The following HSF1 variants were observed in gnomAD, a reference collection of about 807,000 sequenced individuals.
The protein encoded by HSF1 is heat shock factor protein 1.
HSF1 carries 32 observed loss-of-function variants against 51.7 expected under a neutral mutation model. That is an observed-to-expected ratio of 0.62 (90% CI 0.47 to 0.83). HSF1 has a LOEUF of 0.83. Ranked by LOEUF, HSF1 falls within the 40% of genes least tolerant of loss-of-function variation. The pLI is 0.00. For synonymous variants in HSF1, 396 were observed against 309.7 expected (o/e 1.28, Z -2.92); for missense variants, 727 against 717.0 (o/e 1.01, Z -0.16).
chr8:144,314,356 G>A lies in HSF1; in HGVS notation c.*26G>A, dbSNP rs759769709. ...AGGCCCCGGAGGAGCTGGGCCAGCC[G>A]CCCACCCCCACCCCCAGTGCAGGGC... On this transcript the variant is annotated 3_prime_UTR_variant, in exon 13 of 13. Transcript: ENST00000528838. The A allele has an allele frequency of 6.3e-5, 96 of 1,527,738 alleles. No homozygotes were observed. In the East Asian group the frequency reaches 1.1e-3, roughly 18 times the overall value. 94.6% of individuals were successfully genotyped at this position (1,527,738 alleles called of 1,614,324 possible).
chr8:144,311,981 C>T lies in HSF1; in HGVS notation c.879C>T (p.Pro293=). 2 of 1,591,568 alleles carry T rather than the reference C, an allele frequency of 1.3e-6. No homozygotes were observed. The highest frequency in any genetic ancestry group is 2.3e-5 in the East Asian group (1 of 44,032). The change falls in exon 9 of 13, where the codon CCC becomes CCT. Residue 293 remains proline, a synonymous_variant. Transcript: ENST00000528838. ...SIDERPLSSS[P]LVRVKEEPPS... ...TGTGCAGGCCCCTATCCAGCAGCCC[C>T]CTGGTGCGTGTCAAGGAGGAGCCCC...
At chr8:144,292,140 C>T (rs1045426307) in intron 1 of HSF1, among the ~76,000 whole-genome samples, 8 of 152,214 alleles carry the variant, frequency 5.3e-5, no homozygotes, top group African/African-American at 1.7e-4. Flanking sequence ...TGGGGCGTCT[C>T]TTGTATTGGG....
chr8:144,301,594 C>T (rs13268508), intron 1 of HSF1, among the ~76,000 whole-genome samples: 43,034 of 152,094 alleles, frequency 0.28, 7,294 homozygotes, highest in East Asian at 0.52. Context: ...AGGCCGGGCG[C>T]GGTGGCTCAC....
At position 144,311,948 on chromosome 8, in the gene HSF1, C is replaced by T. The variant is rs1222724011; in HGVS notation, c.861-15C>T. 1.3e-6 allele frequency: 2 copies of T among 1,579,330 alleles called. No individual in the cohort carries two copies. Among genetic ancestry groups the T allele is most frequent in the South Asian group, 2.3e-5 (2 of 88,526 alleles). On this transcript the variant is annotated splice_polypyrimidine_tract_variant and intron_variant, in intron 8 of 12. Coordinates refer to ENST00000528838, the MANE Select transcript of HSF1 (RefSeq NM_005526.4). ...TGGCCGAGACGCCAGCTCACCTGGC[C>T]CCCCTCGTGTGCAGGCCCCTATCCA... is the stretch of plus-strand genomic sequence containing the variant.
At chr8:144,310,125 C>T (rs893419883) in intron 4 of HSF1, 2 of 550,014 alleles carry the variant, frequency 3.6e-6, no homozygotes, top group Admixed American at 3.2e-5. Flanking sequence ...GGGTCCCCTG[C>T]TCTGCACATC....
At chr8:144,300,314 C>T (rs1554842017) in intron 1 of HSF1, among the ~76,000 whole-genome samples, 1 of 146,742 alleles carries the variant, frequency 6.8e-6, no homozygotes, top group African/African-American at 2.5e-5. Flanking sequence ...CCTCCCAGGT[C>T]CAAGCAATTC....
chr8:144,300,212 C>CTTTTTTTTTTTTTTTTTTTTTTT (rs1176636210), intron 1 of HSF1, among the ~76,000 whole-genome samples: 1 of 87,744 alleles, frequency 1.1e-5, no homozygotes, highest in Non-Finnish European at 2.1e-5. Flanking sequence ...GTTGTGTACT[C>CTTTTTTTTTTTTTTTTTTTTTTT]TTTTTTTTTT....
Position 144,312,161 on chromosome 8 carries a change from C to T in HSF1, c.1059C>T (p.Gly353=). ...ASVTALTDAR[G]HTDTEGRPPS... ...TCACAGCCCTCACGGACGCCAGGGG[C>T]CACACGGACACCGAGGGCCGGCCTC... The change falls in exon 9 of 13, where the codon GGC becomes GGT. Residue 353 remains glycine, a synonymous_variant. Transcript: ENST00000528838. The T allele has an allele frequency of 1.2e-6, 2 of 1,610,256 alleles. No homozygotes were observed. Among genetic ancestry groups the T allele is most frequent in the Non-Finnish European group, 1.7e-6 (2 of 1,178,650 alleles).
chr8:144,306,154 A>C (rs1417664959), intron 1 of HSF1, among the ~76,000 whole-genome samples: 1 of 152,082 alleles, frequency 6.6e-6, no homozygotes, highest in Non-Finnish European at 1.5e-5. Context: ...CTCATACTTT[A>C]GTTCTTCAGA....
rs2130334005 is a variant in HSF1 at position 144,297,547 on chromosome 8, G to T, written c.117+5673G>T. On this transcript the variant is annotated intron_variant, in intron 1 of 12. Coordinates refer to ENST00000528838, the MANE Select transcript of HSF1 (RefSeq NM_005526.4). This position sits in a 1 kb window ranked among gnomAD's most constrained non-coding sequence, Gnocchi z 4.6. Reference sequence around the variant, plus strand: ...GGACAGAACCAGACCAGGGAACGGGGCCACAAAGTGAGCCACTTTGTCTGC... The same window carrying T: ...GGACAGAACCAGACCAGGGAACGGGTCCACAAAGTGAGCCACTTTGTCTGC... 6.6e-6 allele frequency among the ~76,000 whole-genome samples: 1 copy of T among 152,312 alleles called. No homozygotes were observed. The highest frequency in any genetic ancestry group is 2.1e-4 in the South Asian group (1 of 4,822).
At position 144,314,177 on chromosome 8, in the gene HSF1, C is replaced by G. The variant is rs1554846106; in HGVS notation, c.1437C>G (p.Gly479=). ...AGCCGCTGTTCCTGCTGGACCCCGG[C>G]TCCGTGGACACCGGGAGCAACGACC... ...TAQPLFLLDP[G]SVDTGSNDLP... The change falls in exon 13 of 13, where the codon GGC becomes GGG. Residue 479 remains glycine, a synonymous_variant. Coordinates refer to ENST00000528838, the MANE Select transcript of HSF1 (RefSeq NM_005526.4). 7.7e-6 allele frequency: 12 copies of G among 1,548,960 alleles called. No homozygotes were observed. The highest frequency in any genetic ancestry group is 1.0e-5 in the Non-Finnish European group (12 of 1,146,720).
intron 1 of HSF1, among the ~76,000 whole-genome samples, chr8:144,303,058 G>A (rs553173533): frequency 6.6e-6 from 1 of 152,156 alleles, no homozygotes; most frequent in East Asian, 1.9e-4. Context: ...AAAGCAGCTT[G>A]GGAGTTGCAT....
At chr8:144,313,458 T>C (rs1400783194) in intron 9 of HSF1, 53 bp from the exon 10 acceptor site, 4 of 1,173,642 alleles carry the variant, frequency 3.4e-6, no homozygotes, top group African/African-American at 3.0e-5. Flanking sequence ...CAGGAGGGCA[T>C]TGGGGTGTGG....
At chr8:144,295,537 TG>T (rs1438174907) in intron 1 of HSF1, among the ~76,000 whole-genome samples, 2 of 152,200 alleles carry the variant, frequency 1.3e-5, no homozygotes, top group Non-Finnish European at 2.9e-5. Context: ...AGGGGGCACC[TG>T]GGTGCAAAAT....
chr8:144,308,900 T>C lies in HSF1; in HGVS notation c.118-6T>C. 2.5e-6 allele frequency: 4 copies of C among 1,613,260 alleles called. No individual in the cohort carries two copies. Among genetic ancestry groups the C allele is most frequent in the Non-Finnish European group, 3.4e-6 (4 of 1,179,204 alleles). Reference sequence around the variant, plus strand: ...CGCGTGACCCACCCATGTGTCTCCCTTTCAGAGCGGGAACAGCTTCCACGT... The same window carrying C: ...CGCGTGACCCACCCATGTGTCTCCCCTTCAGAGCGGGAACAGCTTCCACGT... On this transcript the variant is annotated splice_polypyrimidine_tract_variant and splice_region_variant and intron_variant, in intron 1 of 12. Transcript: ENST00000528838.
intron 1 of HSF1, among the ~76,000 whole-genome samples, chr8:144,305,050 C>T (rs1179482217): frequency 4.0e-5 from 6 of 150,774 alleles, no homozygotes; most frequent in African/African-American, 7.3e-5. Context: ...TGGGTTCAAG[C>T]GATTCTCCTG....
At chr8:144,313,670 C>CTCCCCGCCTCCCCGCACCGCCTCCCCGCA (rs1564625648) in intron 10 of HSF1, 54 bp downstream of exon 10, 1 of 120,894 alleles carries the variant, frequency 8.3e-6, no homozygotes. Context: ...GCCGCGCCGC[C>CTCCCCGCCTCCCCGCACCGCCTCCCCGCA]CCGCCTCCCC....
At position 144,312,185 on chromosome 8, in the gene HSF1, T is replaced by TTG; in HGVS notation, c.1083_1084insTG (p.Pro362CysfsTer16). On this transcript the variant is annotated frameshift_variant, in exon 9 of 13. Transcript: ENST00000528838. LOFTEE classifies it high-confidence loss of function. Reference sequence around the variant, plus strand: ...GCCACACGGACACCGAGGGCCGGCCTCCCTCCCCCCCGCCCACCTCCACCC... The same window carrying TTG: ...GCCACACGGACACCGAGGGCCGGCCTTGCCCTCCCCCCCGCCCACCTCCACCC... 15 of 1,532,586 alleles carry TTG rather than the reference T, an allele frequency of 9.8e-6. No homozygotes were observed. The highest frequency in any genetic ancestry group is 1.3e-5 in the Non-Finnish European group (15 of 1,117,180). The allele number at this position is 1,532,586 out of a possible 1,614,324, so 94.9% of individuals were successfully genotyped here.
intron 1 of HSF1, among the ~76,000 whole-genome samples, chr8:144,295,845 AG>A (rs1343212726): frequency 6.6e-6 from 1 of 151,892 alleles, no homozygotes; most frequent in Non-Finnish European, 1.5e-5. Context: ...TACAGGCTTG[AG>A]CCACCGCGCC....
Sources: gnomAD v4.1 joint callset for allele counts (sites outside exome capture counted in the v4.1 genomes callset) on GRCh38, gnomAD v4.1.1 for gene constraint, Gnocchi (gnomAD v3.1) non-coding constraint, MANE v1.5 for transcripts, NCBI Gene and HGNC (gene_info 2026-07-23, HGNC 2026-07-21) for gene names.